RNF4: variants seen among roughly 807,000 people sequenced by gnomAD.
RNF4 encodes ring finger protein 4.
Under a neutral mutation model 24.3 loss-of-function variants are expected in RNF4, and 7 were observed. That is an observed-to-expected ratio of 0.29 (90% CI 0.16 to 0.54). The LOEUF is 0.54. Among genes scored for constraint, RNF4 ranks in the 20% least tolerant of loss-of-function variants. The pLI, the probability that RNF4 is intolerant of heterozygous loss-of-function variation, is 0.95. For synonymous variants in RNF4, 83 were observed against 84.3 expected, an observed-to-expected ratio of 0.98 and a Z score of 0.09; for missense variants, 209 against 248.5, an observed-to-expected ratio of 0.84 and a Z score of 1.07.
chr4:2,512,604 A>C lies in RNF4; in HGVS notation c.374+7A>C. 6.2e-7 allele frequency: 1 copy of C among 1,613,346 alleles called. No homozygotes were observed. Among genetic ancestry groups the C allele is most frequent in the African/African-American group, 1.3e-5 (1 of 75,006 alleles). On this transcript the variant is annotated splice_region_variant and intron_variant, in intron 6 of 7. Transcript: ENST00000314289. The surrounding 1 kb of genome is among the most constrained non-coding windows in gnomAD (Gnocchi z 4.1). ...AGGGCGCTACAGGCCTCAGGTACCA[A>C]CGTGCCCCCAGCTCTGCTGCCGCCA...
chr4:2,472,897 G>A (rs912411424), intron 1 of RNF4, among the ~76,000 whole-genome samples: 22 of 151,748 alleles, frequency 1.4e-4, no homozygotes, highest in South Asian at 4.2e-4. Context: ...AAAATTAGCC[G>A]GTCTTGGCAG....
At chr4:2,492,369 G>A (rs1189067436) in intron 2 of RNF4, among the ~76,000 whole-genome samples, 2 of 152,146 alleles carry the variant, frequency 1.3e-5, no homozygotes, top group East Asian at 1.9e-4. Context: ...CTCTGGTTTG[G>A]TGTAATTCAG....
At chr4:2,502,312 G>GA (rs1375542494) in intron 4 of RNF4, among the ~76,000 whole-genome samples, 4 of 152,214 alleles carry the variant, frequency 2.6e-5, no homozygotes, top group African/African-American at 9.7e-5. Context: ...ACTGCAGGAA[G>GA]ACAATGATTG....
intron 1 of RNF4, among the ~76,000 whole-genome samples, chr4:2,477,455 C>T (rs910566647): frequency 1.3e-5 from 2 of 152,092 alleles, no homozygotes; most frequent in Admixed American, 6.6e-5. Context: ...CATGGTGGTA[C>T]ATGCCTGTAG....
chr4:2,491,652 G>A (rs985596719), intron 2 of RNF4, among the ~76,000 whole-genome samples: 1 of 152,092 alleles, frequency 6.6e-6, no homozygotes, highest in African/African-American at 2.4e-5. Context: ...ATGTTGGCCA[G>A]GCTGGTCTCA....
intron 1 of RNF4, among the ~76,000 whole-genome samples, chr4:2,488,808 C>CGTT (rs1560404840): frequency 7.2e-6 from 1 of 139,360 alleles, no homozygotes; most frequent in African/African-American, 2.5e-5. Flanking sequence ...ATTTTATTTT[C>CGTT]ATTTTTTATT....
At chr4:2,508,043 G>A (rs942919188) in intron 4 of RNF4, among the ~76,000 whole-genome samples, 3 of 151,918 alleles carry the variant, frequency 2.0e-5, no homozygotes, top group Non-Finnish European at 2.9e-5. Context: ...ACGGGATCTC[G>A]CCGTGTTGCC....
chr4:2,486,960 A>G (rs1245713288), intron 1 of RNF4, among the ~76,000 whole-genome samples: 2 of 152,186 alleles, frequency 1.3e-5, no homozygotes, highest in African/African-American at 4.8e-5. Context: ...AACCCAGGAC[A>G]TGTGGTGGAT....
chr4:2,500,855 G>T (rs980138113), intron 4 of RNF4, 117 bp downstream of exon 4: 3 of 858,012 alleles, frequency 3.5e-6, no homozygotes, highest in East Asian at 2.7e-5. Context: ...TGCTAAAGAA[G>T]TTCATGCATC....
chr4:2,480,496 C>T (rs1735214256), intron 1 of RNF4: 1 of 151,820 alleles, frequency 6.6e-6, no homozygotes, highest in South Asian at 2.1e-4. Flanking sequence ...TGGTCTCAAA[C>T]TCCCAACCTC....
rs749452553 is a variant in RNF4 at position 2,512,511 on chromosome 4, C to T, written c.288C>T (p.Asp96=). The T allele has an allele frequency of 1.4e-4, 234 of 1,613,828 alleles. 1 individual carries two copies. The highest frequency in any genetic ancestry group is 3.3e-4 in the Middle Eastern group (2 of 6,062). ...DHADSCVVSS[D]DEELSRDRDV... is the part of the protein sequence containing the mutation. ...CTGACAGCTGTGTGGTGAGCAGTGA[C>T]GATGAGGAGTTGTCCAGGGACAGAG... Residue 96 remains aspartate, a synonymous_variant, in exon 6 of 8, where the codon GAC becomes GAT. Transcript: ENST00000314289. The surrounding 1 kb of genome is among the most constrained non-coding windows in gnomAD (Gnocchi z 4.1).
Position 2,515,134 on chromosome 4 carries a change from C to T in RNF4, c.*1315C>T, listed in dbSNP as rs984158901. The T allele has an allele frequency of 1.0e-4, 16 of 152,652 alleles. No homozygotes were observed. The highest frequency in any genetic ancestry group is 3.1e-4 in the African/African-American group (13 of 41,442). 9.5% of individuals were successfully genotyped at this position (152,652 alleles called of 1,614,324 possible). ...ACTGTCGTCCTTCCTCAGAGGGCCT[C>T]ACGCCAAACAAACGGCCTTTTCGTG... On this transcript the variant is annotated 3_prime_UTR_variant, in exon 8 of 8. Transcript: ENST00000314289.
intron 1 of RNF4, among the ~76,000 whole-genome samples, chr4:2,472,511 G>A (rs1734936647): frequency 6.6e-6 from 1 of 151,782 alleles, no homozygotes; most frequent in African/African-American, 2.4e-5. Context: ...CAGCACTTCG[G>A]GAGGCCAAAG....
intron 1 of RNF4, among the ~76,000 whole-genome samples, chr4:2,484,787 G>T (rs1735356767): frequency 6.6e-6 from 1 of 152,044 alleles, no homozygotes; most frequent in Non-Finnish European, 1.5e-5. Flanking sequence ...CCTATACTCT[G>T]CCACTACCCC....
rs553131172 is a variant in RNF4, at chr4:2,503,800, C to T, written c.204+3062C>T. 2.2e-4 allele frequency among the ~76,000 whole-genome samples: 33 copies of T among 152,264 alleles called. No individual in the cohort carries two copies. The South Asian group carries it at 4.1e-3, about 19-fold the overall frequency. ...TGGATAAATGTATTCATTCTGGAAGCGGGGTAACCTTCCTTACCAGTTCCG... is the reference window on the plus strand; with the variant it reads ...TGGATAAATGTATTCATTCTGGAAGTGGGGTAACCTTCCTTACCAGTTCCG... On this transcript the variant is annotated intron_variant, in intron 4 of 7. Transcript: ENST00000314289.
At chr4:2,485,583 C>A (rs1043250912) in intron 1 of RNF4, among the ~76,000 whole-genome samples, 5 of 152,106 alleles carry the variant, frequency 3.3e-5, no homozygotes, top group Non-Finnish European at 7.3e-5. Context: ...AAGCTAGATA[C>A]CTTGGCGTGA....
rs866413755 is a variant in RNF4 at position 2,512,950 on chromosome 4, G to T, written c.375-133G>T. 7 of 868,618 alleles carry T rather than the reference G, an allele frequency of 8.1e-6. No individual in the cohort carries two copies. The highest frequency in any genetic ancestry group is 7.4e-5 in the South Asian group (5 of 67,648). The allele number at this position is 868,618 out of a possible 1,614,324, so 53.8% of individuals were successfully genotyped here. A position where few individuals can be genotyped will look rare whatever the true frequency, so the allele number is the denominator to read the frequency against. ...CAGTTGGCTTTCCTGAAAGTCTCTC[G>T]GATGCCCGCGCTAAGGCAGAGTCAG... is the stretch of plus-strand genomic sequence containing the variant. On this transcript the variant is annotated intron_variant, in intron 6 of 7. Coordinates refer to ENST00000314289, the MANE Select transcript of RNF4 (RefSeq NM_002938.5). The surrounding 1 kb of genome is among the most constrained non-coding windows in gnomAD (Gnocchi z 4.1).
At chr4:2,495,154 G>A (rs1051824996) in intron 2 of RNF4, among the ~76,000 whole-genome samples, 3 of 152,212 alleles carry the variant, frequency 2.0e-5, no homozygotes, top group Non-Finnish European at 4.4e-5. Flanking sequence ...CTTGGCCTCT[G>A]GGCCCTCCTG....
At chr4:2,511,208 A>G (rs1432563791) in intron 4 of RNF4, among the ~76,000 whole-genome samples, 1 of 152,234 alleles carries the variant, frequency 6.6e-6, no homozygotes, top group Non-Finnish European at 1.5e-5. Context: ...CAGCCCCCAG[A>G]TAGTAAGTAA....
Sources: allele counts gnomAD v4.1 joint callset (sites outside exome capture counted in the v4.1 genomes callset), GRCh38; gene constraint gnomAD v4.1.1; non-coding constraint Gnocchi (gnomAD v3.1); transcripts MANE v1.5; gene names NCBI Gene and HGNC (gene_info 2026-07-23, HGNC 2026-07-21).